The following RYR3 variants were observed in gnomAD, a reference collection of about 807,000 sequenced individuals.
RYR3 encodes the protein ryanodine receptor 3.
RYR3 carries 207 observed loss-of-function variants against 584.3 expected under a neutral mutation model. That is an observed-to-expected ratio of 0.35 (90% confidence interval 0.32 to 0.40). RYR3 has a LOEUF of 0.40. RYR3 is among the 10% of genes least tolerant of loss of function. The pLI is 1.00. For synonymous variants in RYR3, 2,416 were observed against 2,248.5 expected (o/e 1.07, Z -2.11); for missense variants, 5,616 against 6,089.2 (o/e 0.92, Z 2.59).
At chr15:33,484,439 T>C (rs1388868369) in intron 2 of RYR3, among the ~76,000 whole-genome samples, 1 of 152,088 alleles carries the variant, frequency 6.6e-6, no homozygotes, top group Non-Finnish European at 1.5e-5. Context: ...GGGAATTAAA[T>C]TGAGTATGGT....
At position 33,644,413 on chromosome 15, in the gene RYR3, A is replaced by G; in HGVS notation, c.3659A>G (p.Glu1220Gly). 6.2e-7 allele frequency: 1 copy of G among 1,613,798 alleles called. No individual in the cohort carries two copies. The highest frequency in any genetic ancestry group is 8.5e-7 in the Non-Finnish European group (1 of 1,179,794). Residue 1220 changes from glutamate (E) to glycine (G), a missense_variant, in exon 28 of 104, where the codon GAG becomes GGG. By Grantham distance (98) the Glu-to-Gly change is moderately conservative (BLOSUM62 -2). Transcript: ENST00000634891. ...TTTTATACCATGTGCGGTCTCCAAG[A>G]GGGCTTTGAGCCTTTTGCTGTCAAC... ...FKFYTMCGLQ[E>G]GFEPFAVNMN...
intron 38 of RYR3, among the ~76,000 whole-genome samples, chr15:33,675,129 G>A (rs928050827): frequency 1.3e-5 from 2 of 152,212 alleles, no homozygotes; most frequent in African/African-American, 4.8e-5. Flanking sequence ...TGCAGGCTTA[G>A]AGTGTTACTC....
chr15:33,484,793 T>A (rs538584841), intron 2 of RYR3, among the ~76,000 whole-genome samples: 23 of 152,328 alleles, frequency 1.5e-4, no homozygotes, highest in African/African-American at 5.3e-4. Flanking sequence ...ATGGAATTTA[T>A]GAACTAAATT....
intron 1 of RYR3, among the ~76,000 whole-genome samples, chr15:33,471,851 A>T (rs2048960863): frequency 1.3e-5 from 2 of 152,046 alleles, no homozygotes; most frequent in Admixed American, 1.3e-4. Context: ...CAAACAGCAC[A>T]TCTCAGTCAT....
chr15:33,473,334 TA>T, intron 1 of RYR3, 84 bp from the exon 2 acceptor site: 2 of 1,544,304 alleles, frequency 1.3e-6, no homozygotes, highest in Non-Finnish European at 1.8e-6. Flanking sequence ...ATTGGTGGCT[TA>T]CCTGACTCAG....
chr15:33,682,018 C>T (rs1183453338), intron 38 of RYR3, among the ~76,000 whole-genome samples: 1 of 152,194 alleles, frequency 6.6e-6, no homozygotes, highest in African/African-American at 2.4e-5. Flanking sequence ...CCCCTGCAGC[C>T]TAAACATTTA....
At chr15:33,735,626 C>T (rs985400101) in intron 48 of RYR3, among the ~76,000 whole-genome samples, 1 of 152,166 alleles carries the variant, frequency 6.6e-6, no homozygotes, top group Admixed American at 6.5e-5. Context: ...GCTTATCTCT[C>T]CTTTCTCTAC....
intron 99 of RYR3, among the ~76,000 whole-genome samples, chr15:33,858,394 A>G (rs2079941987): frequency 6.6e-6 from 1 of 151,868 alleles, no homozygotes; most frequent in Non-Finnish European, 1.5e-5. Context: ...TTTAGTAGTG[A>G]TGGGGTTTCT....
At chr15:33,531,804 C>T (rs1484391056) in intron 4 of RYR3, among the ~76,000 whole-genome samples, 1 of 152,028 alleles carries the variant, frequency 6.6e-6, no homozygotes, top group Non-Finnish European at 1.5e-5. Context: ...AAACTTTGAA[C>T]CCTGATAATA....
intron 38 of RYR3, among the ~76,000 whole-genome samples, chr15:33,675,627 C>T (rs1488997575): frequency 6.6e-6 from 1 of 152,154 alleles, no homozygotes; most frequent in Non-Finnish European, 1.5e-5. Context: ...TCAGTTTTCT[C>T]ATCTATAAAA....
In RYR3 at chr15:33,812,932, A is replaced by G. The variant is rs373622365; in HGVS notation, c.10327A>G (p.Asn3443Asp). The change falls in exon 73 of 104, where the codon AAT (asparagine) becomes GAT (aspartate). Residue 3443 changes from asparagine (N) to aspartate (D), a missense_variant. Around this residue, in one of 9 missense-constraint regions of RYR3, gnomAD observed 954 missense variants for 1,132.2 expected, o/e 0.84. Transcript: ENST00000634891. ...KDVLKSEEPF[N>D]PEKTVERVQR... ...TGTTCTGAAGAGTGAAGAACCTTTC[A>G]ATCCGGAAAAGACAGTGGAGCGTGT... 35 of 1,613,816 alleles carry G rather than the reference A, an allele frequency of 2.2e-5. No individual in the cohort carries two copies. The highest frequency in any genetic ancestry group is 3.3e-4 in the Middle Eastern group (2 of 6,084).
intron 1 of RYR3, among the ~76,000 whole-genome samples, chr15:33,471,890 GC>G (rs1222084852): frequency 6.6e-6 from 1 of 152,002 alleles, no homozygotes; most frequent in Admixed American, 6.5e-5. Context: ...CTCATTACCT[GC>G]CCCTGACCAC....
At chr15:33,331,055 G>A (rs543906918) in intron 1 of RYR3, among the ~76,000 whole-genome samples, 68 of 152,240 alleles carry the variant, frequency 4.5e-4, no homozygotes, top group African/African-American at 1.3e-3. Context: ...TGGTTGGTTG[G>A]TTGGTTGGTT....
intron 12 of RYR3, among the ~76,000 whole-genome samples, chr15:33,567,762 A>G (rs2057792494): frequency 6.6e-6 from 1 of 152,180 alleles, no homozygotes; most frequent in South Asian, 2.1e-4. Context: ...GCAGATTCTT[A>G]GGTTTTACCT....
rs116406592 is a variant in RYR3, at chr15:33,315,861, A to G, written c.51+4765A>G. Reference sequence around the variant, plus strand: ...TTAAGCTGCTGATCTCCTGGGAAGGAGGTGGTGATGACTGCAAACTTGGAA... The same window carrying G: ...TTAAGCTGCTGATCTCCTGGGAAGGGGGTGGTGATGACTGCAAACTTGGAA... On this transcript the variant is annotated intron_variant, in intron 1 of 103. Transcript: ENST00000634891. Among the ~76,000 whole-genome samples the G allele has an allele frequency of 7.1e-3, 1,081 of 152,288 alleles. 12 individuals carry two copies. Among genetic ancestry groups the G allele is most frequent in the African/African-American group, 0.025 (1,048 of 41,542 alleles).
intron 27 of RYR3, among the ~76,000 whole-genome samples, chr15:33,640,363 C>T (rs1425077006): frequency 1.3e-5 from 2 of 152,138 alleles, no homozygotes; most frequent in African/African-American, 4.8e-5. Context: ...TCTCCTGTAA[C>T]TCTGTCTTTG....
intron 32 of RYR3, among the ~76,000 whole-genome samples, chr15:33,657,203 C>G (rs1336103457): frequency 6.6e-6 from 1 of 152,156 alleles, no homozygotes; most frequent in East Asian, 1.9e-4. Flanking sequence ...CCCAGGGCAT[C>G]CTAAATGCTC....
At chr15:33,740,131 C>A in intron 51 of RYR3, 136 bp downstream of exon 51, 1 of 714,690 alleles carries the variant, frequency 1.4e-6, no homozygotes, top group Non-Finnish European at 2.3e-6. Context: ...CTTGATGTGT[C>A]AAGTCCCATC....
At chr15:33,453,350 A>G (rs964403748) in intron 1 of RYR3, among the ~76,000 whole-genome samples, 3 of 152,182 alleles carry the variant, frequency 2.0e-5, no homozygotes, top group Non-Finnish European at 4.4e-5. Context: ...TTCAGCTTTA[A>G]AAGTACTTTA....
Sources: allele counts gnomAD v4.1 joint callset (sites outside exome capture counted in the v4.1 genomes callset), GRCh38; gene constraint gnomAD v4.1.1; regional missense constraint gnomAD v4.1.1; transcripts MANE v1.5; gene names NCBI Gene and HGNC (gene_info 2026-07-23, HGNC 2026-07-21).